ZNRF3: variants seen among roughly 807,000 people sequenced by gnomAD.
ZNRF3 encodes E3 ubiquitin-protein ligase ZNRF3.
A neutral mutation model predicts 72.5 loss-of-function variants in ZNRF3; 23 were observed. The ratio of observed to expected loss-of-function variants is 0.32; its 90% CI spans 0.23 to 0.45. The LOEUF is 0.45. ZNRF3 is among the 20% of genes least tolerant of loss of function. ZNRF3 has a pLI of 1.00. For missense variants in ZNRF3, 1,169 were observed against 1,272.1 expected (o/e 0.92, Z 1.23); for synonymous variants, 610 against 545.3 (o/e 1.12, Z -1.65).
At chr22:29,014,250 T>C (rs1228747405) in intron 2 of ZNRF3, among the ~76,000 whole-genome samples, 2 of 152,142 alleles carry the variant, frequency 1.3e-5, no homozygotes, top group Non-Finnish European at 2.9e-5. Flanking sequence ...TTTTATTGCT[T>C]TGGGGTCATG....
At chr22:28,967,478 G>C (rs1432759623) in intron 1 of ZNRF3, among the ~76,000 whole-genome samples, 1 of 152,222 alleles carries the variant, frequency 6.6e-6, no homozygotes, top group Non-Finnish European at 1.5e-5. Flanking sequence ...AAGGCTTTCA[G>C]TGAAGTAGAA....
intron 1 of ZNRF3, among the ~76,000 whole-genome samples, chr22:28,912,760 G>C (rs1050187536): frequency 6.6e-6 from 1 of 150,554 alleles, no homozygotes; most frequent in African/African-American, 2.4e-5. Context: ...CGCCTCCCGG[G>C]TTCAAGTGAT....
intron 1 of ZNRF3, among the ~76,000 whole-genome samples, chr22:28,890,548 G>A (rs942638930): frequency 2.0e-5 from 3 of 152,116 alleles, no homozygotes; most frequent in Non-Finnish European, 4.4e-5. Flanking sequence ...TATATTCCAA[G>A]GCAGGGTACC....
intron 1 of ZNRF3, among the ~76,000 whole-genome samples, chr22:28,928,557 A>G (rs9625647): frequency 0.097 from 14,389 of 147,736 alleles, 1,107 homozygotes; most frequent in African/African-American, 0.21. Flanking sequence ...GCAGTGGCAC[A>G]ATCTTGGCTC....
chr22:28,904,114 C>T (rs1029275357), intron 1 of ZNRF3, among the ~76,000 whole-genome samples: 1 of 152,158 alleles, frequency 6.6e-6, no homozygotes, highest in Non-Finnish European at 1.5e-5. Flanking sequence ...AATAAGCAAC[C>T]TAACCTCACC....
At position 29,049,725 on chromosome 22, in the gene ZNRF3, T is replaced by C. The variant is rs765017823; in HGVS notation, c.1544T>C (p.Val515Ala). 6.2e-7 allele frequency: 1 copy of C among 1,600,144 alleles called. No homozygotes were observed. The highest frequency in any genetic ancestry group is 1.7e-5 in the Admixed American group (1 of 59,478). Residue 515 changes from valine (V) to alanine (A), a missense_variant, in exon 8 of 9, where the codon GTG becomes GCG. This residue lies in a region of ZNRF3 where 783 missense variants were observed against 731.4 expected (regional missense o/e 1.07). Coordinates refer to ENST00000544604, the MANE Select transcript of ZNRF3 (RefSeq NM_001206998.2). The surrounding 1 kb of genome is among the most constrained non-coding windows in gnomAD (Gnocchi z 5.2). ...GSLLFPTVVH[V>A]APPSHLESGS... ...CTGCTCTTCCCCACCGTGGTGCACG[T>C]GGCCCCGCCCTCCCACCTGGAGAGC...
At chr22:29,036,136 G>A (rs2036864438) in intron 2 of ZNRF3, among the ~76,000 whole-genome samples, 2 of 152,174 alleles carry the variant, frequency 1.3e-5, no homozygotes, top group African/African-American at 4.8e-5. Context: ...GGTAACAGAT[G>A]AGTTATTTTT....
intron 1 of ZNRF3, among the ~76,000 whole-genome samples, chr22:28,928,561 T>C (rs940636357): frequency 2.0e-5 from 3 of 151,030 alleles, no homozygotes; most frequent in Non-Finnish European, 4.4e-5. Flanking sequence ...TGGCACAATC[T>C]TGGCTCACTG....
chr22:29,013,731 G>A (rs1246269469), intron 2 of ZNRF3, among the ~76,000 whole-genome samples: 1 of 152,204 alleles, frequency 6.6e-6, no homozygotes, highest in Middle Eastern at 3.2e-3. Context: ...TTATGACAGT[G>A]GCTTTGGAAG....
At chr22:28,983,137 C>T (rs1401047990) in intron 1 of ZNRF3, among the ~76,000 whole-genome samples, 2 of 152,154 alleles carry the variant, frequency 1.3e-5, no homozygotes, top group East Asian at 1.9e-4. Context: ...GTTTTAAAGG[C>T]TTTCATTCCT....
At chr22:29,017,555 G>C (rs2036459415) in intron 2 of ZNRF3, among the ~76,000 whole-genome samples, 1 of 151,846 alleles carries the variant, frequency 6.6e-6, no homozygotes, top group Admixed American at 6.6e-5. Context: ...ATATGAAGAG[G>C]GACCACAGAG....
intron 1 of ZNRF3, chr22:28,917,268 A>AAC (rs10533572): frequency 0.03 from 5,185 of 171,392 alleles, 206 homozygotes; most frequent in African/African-American, 0.092. Flanking sequence ...TTGGGGATAA[A>AAC]ACACACACAC....
intron 1 of ZNRF3, among the ~76,000 whole-genome samples, chr22:28,952,561 C>A (rs895227782): frequency 6.8e-6 from 1 of 146,822 alleles, no homozygotes; most frequent in South Asian, 2.2e-4. Context: ...GAAAAGTGTT[C>A]CCATTCACAG....
chr22:29,006,881 CAT>C (rs911862416), intron 2 of ZNRF3, among the ~76,000 whole-genome samples: 1 of 152,224 alleles, frequency 6.6e-6, no homozygotes, highest in African/African-American at 2.4e-5. Flanking sequence ...GGAGCCGCAG[CAT>C]CCCAAAGATG....
rs772375384 is a variant in ZNRF3, at chr22:29,053,582, C to T, written c.2771C>T (p.Pro924Leu). Residue 924 changes from proline (P) to leucine (L), a missense_variant, in exon 9 of 9, where the codon CCG becomes CTG. Coordinates refer to ENST00000544604, the MANE Select transcript of ZNRF3 (RefSeq NM_001206998.2). ...SSTTATEAAGPRSHSADSSSP... is the reference protein window; with the variant it reads ...SSTTATEAAGLRSHSADSSSP... ...GATTGTTCTCTCTCTTTCCCAGGAC[C>T]GAGATCTCACTCAGCAGACAGCAGC... 46 of 1,613,038 alleles carry T rather than the reference C, an allele frequency of 2.9e-5. No individual in the cohort carries two copies. The highest frequency in any genetic ancestry group is 3.7e-5 in the Non-Finnish European group (44 of 1,179,582).
intron 2 of ZNRF3, chr22:29,018,099 C>T: frequency 1.9e-6 from 1 of 517,116 alleles, no homozygotes; most frequent in South Asian, 1.4e-5. Context: ...GACGGGCAGA[C>T]CGGATCCAAA....
rs116292804 is a variant in ZNRF3 at position 28,970,448 on chromosome 22, T to C, written c.301-16628T>C. ...AAATGGCACAGTTCCTTCGGAAAAGTTTGGAGTTTCTTATAAAGCTCAACA... is the reference window on the plus strand; with the variant it reads ...AAATGGCACAGTTCCTTCGGAAAAGCTTGGAGTTTCTTATAAAGCTCAACA... On this transcript the variant is annotated intron_variant, in intron 1 of 8. Coordinates refer to ENST00000544604, the MANE Select transcript of ZNRF3 (RefSeq NM_001206998.2). 4.4e-3 allele frequency among the ~76,000 whole-genome samples: 668 copies of C among 152,318 alleles called. 3 individuals are homozygous for C. Among genetic ancestry groups the C allele is most frequent in the African/African-American group, 0.014 (572 of 41,562 alleles).
chr22:29,006,352 T>C (rs978842142), intron 2 of ZNRF3, among the ~76,000 whole-genome samples: 3 of 151,884 alleles, frequency 2.0e-5, no homozygotes, highest in Non-Finnish European at 4.4e-5. Flanking sequence ...TAGCTGGACT[T>C]ACAGGCGTGT....
At chr22:28,965,525 CAG>C (rs1351097063) in intron 1 of ZNRF3, among the ~76,000 whole-genome samples, 1 of 152,210 alleles carries the variant, frequency 6.6e-6, no homozygotes, top group Non-Finnish European at 1.5e-5. Flanking sequence ...CACCCTGCCT[CAG>C]TGGACATCAG....
Sources: gnomAD v4.1 joint callset for allele counts (sites outside exome capture counted in the v4.1 genomes callset) on GRCh38, gnomAD v4.1.1 for gene constraint, gnomAD v4.1.1 regional missense constraint, Gnocchi (gnomAD v3.1) non-coding constraint, MANE v1.5 for transcripts, NCBI Gene and HGNC (gene_info 2026-07-23, HGNC 2026-07-21) for gene names.